OTOA: variants seen among roughly 807,000 people sequenced by gnomAD.
The protein encoded by OTOA is cancer/testis antigen 108.
Under a neutral mutation model 110.8 loss-of-function variants are expected in OTOA, and 70 were observed. That is an observed-to-expected ratio of 0.63 (90% confidence interval 0.52 to 0.77). OTOA has a LOEUF of 0.77. OTOA is among the 30% of genes least tolerant of loss of function. The probability of loss-of-function intolerance (pLI) is 0.00; values close to 1 mark genes in which losing one functional copy is unlikely to be tolerated. For missense variants in OTOA, 917 were observed against 1,075.8 expected (o/e 0.85, Z 2.06); for synonymous variants, 373 against 431.5 (o/e 0.86, Z 1.68).
At chr16:21,714,336 T>TTC (rs1567384267) in intron 13 of OTOA, among the ~76,000 whole-genome samples, 172 of 61,228 alleles carry the variant, frequency 2.8e-3, no homozygotes, top group Middle Eastern at 9.1e-3. Flanking sequence ...TTCCTTCCTT[T>TTC]CTTTCTTTCT....
intron 10 of OTOA, 49 bp downstream of exon 10, chr16:21,697,924 G>T: frequency 2.0e-6 from 3 of 1,471,706 alleles, no homozygotes; most frequent in South Asian, 2.3e-5. Context: ...ATACACTTGG[G>T]GTAAGGTGTA....
chr16:21,695,891 A>ATATATATATTTTT (rs569493650), intron 9 of OTOA, among the ~76,000 whole-genome samples: 5 of 41,896 alleles, frequency 1.2e-4, no homozygotes, highest in African/African-American at 5.8e-4. Context: ...ATATATATAT[A>ATATATATATTTTT]TTTTTTTTTT....
At chr16:21,704,957 T>G (rs1898127575) in intron 11 of OTOA, 1 of 816,746 alleles carries the variant, frequency 1.2e-6, no homozygotes, top group African/African-American at 1.7e-5. Context: ...CACTTCATAA[T>G]TCAGCCCCCA....
At chr16:21,720,572 G>T (rs1421828963) in intron 17 of OTOA, among the ~76,000 whole-genome samples, 1 of 152,198 alleles carries the variant, frequency 6.6e-6, no homozygotes, top group Non-Finnish European at 1.5e-5. Context: ...CATCAGCATT[G>T]TGTGGAAGGC....
At chr16:21,667,263 T>C (rs1966842022) in intron 1 of OTOA, among the ~76,000 whole-genome samples, 1 of 152,210 alleles carries the variant, frequency 6.6e-6, no homozygotes. Flanking sequence ...AAAGTAAGCA[T>C]AATTGTTTTC....
chr16:21,726,955 C>T (rs1204783823), intron 19 of OTOA, among the ~76,000 whole-genome samples: 2 of 151,848 alleles, frequency 1.3e-5, no homozygotes, highest in Non-Finnish European at 2.9e-5. Flanking sequence ...CACCTTTCCT[C>T]CCTGAGCCTC....
At chr16:21,715,329 C>T (rs141165350) in intron 14 of OTOA, among the ~76,000 whole-genome samples, 177 bp downstream of exon 14, 3 of 152,244 alleles carry the variant, frequency 2.0e-5, no homozygotes, top group East Asian at 3.9e-4. Context: ...CAGACGGAGC[C>T]CTTCAGTCAT....
intron 1 of OTOA, among the ~76,000 whole-genome samples, chr16:21,664,701 G>A (rs929613911): frequency 2.0e-5 from 3 of 152,096 alleles, no homozygotes. Flanking sequence ...GGTAAAGGCC[G>A]GGGCTCACAC....
intron 15 of OTOA, 114 bp from the exon 16 acceptor site, chr16:21,719,019 C>G: frequency 9.4e-7 from 1 of 1,060,552 alleles, no homozygotes; most frequent in Non-Finnish European, 1.5e-6. Flanking sequence ...CCTGTTAAGC[C>G]TCCATTTCCC....
intron 1 of OTOA, among the ~76,000 whole-genome samples, chr16:21,667,253 A>G (rs1966842007): frequency 6.6e-6 from 1 of 152,226 alleles, no homozygotes; most frequent in South Asian, 2.1e-4. Context: ...CCTGGGCAGT[A>G]AAGTAAGCAT....
intron 20 of OTOA, 120 bp downstream of exon 20, chr16:21,728,551 G>A: frequency 1.6e-6 from 2 of 1,232,110 alleles, no homozygotes; most frequent in Non-Finnish European, 2.2e-6. Context: ...AAATTCTTAT[G>A]CTTATTTTGG....
chr16:21,684,627 C>A, intron 6 of OTOA: 6 of 1,225,198 alleles, frequency 4.9e-6, no homozygotes, highest in African/African-American at 1.5e-5. Flanking sequence ...CCTTGGCTTG[C>A]CAATTATTGC....
At chr16:21,699,269 T>C (rs754392122) in intron 10 of OTOA, among the ~76,000 whole-genome samples, 1 of 152,136 alleles carries the variant, frequency 6.6e-6, no homozygotes, top group Admixed American at 6.6e-5. Context: ...GAATTTTATA[T>C]GGACAAAGAG....
chr16:21,732,515 C>T lies in OTOA; in HGVS notation c.2301+1585C>T, dbSNP rs761471649. ...CACTCTTCCATCCAAGTCCCCAAAG[C>T]CCATTGTATCATTCTTATGCCTTTG... is the stretch of plus-strand genomic sequence containing the variant. On this transcript the variant is annotated intron_variant, in intron 21 of 28. Coordinates refer to ENST00000646100, the MANE Select transcript of OTOA (RefSeq NM_144672.4). Among the ~76,000 whole-genome samples, 425 of 151,720 alleles carry T rather than the reference C, an allele frequency of 2.8e-3. 2 individuals carry two copies. The highest frequency in any genetic ancestry group is 4.7e-3 in the Non-Finnish European group (322 of 67,990).
At chr16:21,715,206 G>A in intron 14 of OTOA, 54 bp downstream of exon 14, 1 of 1,611,620 alleles carries the variant, frequency 6.2e-7, no homozygotes, top group Admixed American at 1.7e-5. Context: ...TATGTTTTTG[G>A]GGTTGGTGAG....
Position 21,722,997 on chromosome 16 carries a change from C to G in OTOA, c.1880+19C>G. 6.2e-7 allele frequency: 1 copy of G among 1,612,070 alleles called. No individual in the cohort carries two copies. On this transcript the variant is annotated intron_variant, in intron 18 of 28. Coordinates refer to ENST00000646100, the MANE Select transcript of OTOA (RefSeq NM_144672.4). The stretch of plus-strand genomic sequence containing the variant: ...CACTCCCGTAAGTGAACATCAGCCC[C>G]CACCTTCTGGCTCATCAGTGAGATC...
At chr16:21,673,942 C>T (rs570765382) in intron 1 of OTOA, among the ~76,000 whole-genome samples, 14 of 152,188 alleles carry the variant, frequency 9.2e-5, no homozygotes, top group South Asian at 2.1e-4. Flanking sequence ...GGACTACAGG[C>T]GCCCACCACC....
At chr16:21,758,122 T>C (rs1052029867) in intron 28 of OTOA, among the ~76,000 whole-genome samples, 4 of 151,752 alleles carry the variant, frequency 2.6e-5, no homozygotes, top group African/African-American at 7.3e-5. Context: ...GGGAGTGGCA[T>C]TGGATCCTGG....
chr16:21,665,262 G>T (rs1451414058), intron 1 of OTOA, among the ~76,000 whole-genome samples: 2 of 152,140 alleles, frequency 1.3e-5, no homozygotes, highest in Admixed American at 6.5e-5. Context: ...TTTAGCTCTG[G>T]GTTTGCCACC....
Sources: allele counts gnomAD v4.1 joint callset (sites outside exome capture counted in the v4.1 genomes callset), GRCh38; gene constraint gnomAD v4.1.1; transcripts MANE v1.5; gene names NCBI Gene and HGNC (gene_info 2026-07-23, HGNC 2026-07-21).